Variants in CSNK1G2 observed in about 807,000 individuals in gnomAD.
CSNK1G2 encodes casein kinase I isoform gamma-2.
In CSNK1G2, 11 loss-of-function variants were observed where a neutral mutation model predicts 48.0. The observed-to-expected ratio is 0.23, with a 90% CI of 0.14 to 0.38. CSNK1G2 has a LOEUF of 0.38. CSNK1G2 is among the 10% of genes least tolerant of loss of function. The probability of loss-of-function intolerance (pLI) is 1.00; values close to 1 mark genes in which losing one functional copy is unlikely to be tolerated. For missense variants in CSNK1G2, 446 were observed against 595.5 expected, an observed-to-expected ratio of 0.75 and a Z score of 2.61; for synonymous variants, 337 against 254.1, an observed-to-expected ratio of 1.33 and a Z score of -3.10.
intron 1 of CSNK1G2, among the ~76,000 whole-genome samples, chr19:1,960,781 T>C (rs1020720140): frequency 1.3e-5 from 2 of 152,040 alleles, no homozygotes; most frequent in Non-Finnish European, 2.9e-5. Context: ...CACAGCTACC[T>C]GGGAGGCCGA....
At position 1,978,283 on chromosome 19, in the gene CSNK1G2, C is replaced by CA; in HGVS notation, c.188-22_188-21insA. ...CTAGGTGGGCCCTGCGCTGGCGGTG[C>CA]TGATGGTCTCTGTCCCCGCAGGAAA... On this transcript the variant is annotated intron_variant, in intron 2 of 11. Transcript: ENST00000255641. The surrounding 1 kb of genome is among the most constrained non-coding windows in gnomAD (Gnocchi z 7.3). 1 of 1,613,082 alleles carries CA rather than the reference C, an allele frequency of 6.2e-7. No homozygotes were observed. Among genetic ancestry groups the CA allele is most frequent in the Non-Finnish European group, 8.5e-7 (1 of 1,179,730 alleles).
rs185798897 is a variant in CSNK1G2, at chr19:1,951,423, C to A, written c.-266+10005C>A. Among the ~76,000 whole-genome samples the A allele has an allele frequency of 2.1e-4, 30 of 143,246 alleles. 3 individuals carry two copies. Among genetic ancestry groups the A allele is most frequent in the Admixed American group, 2.1e-4 (3 of 14,350 alleles). 94.0% of individuals were successfully genotyped at this position (143,246 alleles called of 152,430 possible). On this transcript the variant is annotated intron_variant, in intron 1 of 11. Transcript: ENST00000255641. ...GTCTCAAAAAAAAAATAAAAAAAAT[C>A]AAAGATGGGGGCCTGCTGGGACCGT...
intron 8 of CSNK1G2, 22 bp from the exon 9 acceptor site, chr19:1,979,473 C>T (rs1243163672): frequency 1.9e-6 from 3 of 1,562,996 alleles, no homozygotes; most frequent in African/African-American, 1.4e-5. Context: ...CCGCCGAGGC[C>T]CCGCTGGCGC....
intron 2 of CSNK1G2, among the ~76,000 whole-genome samples, chr19:1,977,854 C>T (rs920026139): frequency 1.3e-5 from 2 of 152,164 alleles, no homozygotes; most frequent in African/African-American, 4.8e-5. Context: ...GGAACAGGAC[C>T]TGGGCTCCTC....
At chr19:1,967,363 G>A (rs2015396366) in intron 1 of CSNK1G2, among the ~76,000 whole-genome samples, 1 of 152,166 alleles carries the variant, frequency 6.6e-6, no homozygotes. Context: ...CGGTTGGCAG[G>A]AAACCTCTTC....
chr19:1,965,051 T>C lies in CSNK1G2; in HGVS notation c.-265-4457T>C, dbSNP rs1485611852. 3.4e-5 allele frequency among the ~76,000 whole-genome samples: 5 copies of C among 149,092 alleles called. 1 individual carries two copies. The highest frequency in any genetic ancestry group is 3.3e-4 in the Admixed American group (5 of 14,938). On this transcript the variant is annotated intron_variant, in intron 1 of 11. Transcript: ENST00000255641. ...AAAAAGATTTCTTTCAAAATATGACTGCTCACTGACAACGCACCTGGTCAC... is the reference window on the plus strand; with the variant it reads ...AAAAAGATTTCTTTCAAAATATGACCGCTCACTGACAACGCACCTGGTCAC...
chr19:1,959,703 C>A (rs541516963), intron 1 of CSNK1G2, among the ~76,000 whole-genome samples: 1 of 121,900 alleles, frequency 8.2e-6, no homozygotes, highest in Non-Finnish European at 1.6e-5. Context: ...ACCCGTCCCA[C>A]CTTTAGTGCC....
chr19:1,973,825 GTTTC>G (rs2015659181), intron 2 of CSNK1G2, among the ~76,000 whole-genome samples: 1 of 151,962 alleles, frequency 6.6e-6, no homozygotes, highest in Non-Finnish European at 1.5e-5. Context: ...TGTTTGTGCT[GTTTC>G]TTAGTCCATT....
chr19:1,962,993 A>G (rs1270679625), intron 1 of CSNK1G2, among the ~76,000 whole-genome samples: 1 of 151,932 alleles, frequency 6.6e-6, no homozygotes, highest in Non-Finnish European at 1.5e-5. Flanking sequence ...CCAGCCATGA[A>G]AAGGAAGAAG....
At chr19:1,975,470 G>T in intron 2 of CSNK1G2, 1 of 985,476 alleles carries the variant, frequency 1.0e-6, no homozygotes, top group African/African-American at 1.7e-5. Context: ...ACGGGAGGGC[G>T]TGCCTCAAGG....
At chr19:1,953,780 C>T (rs944787292) in intron 1 of CSNK1G2, 53 of 477,288 alleles carry the variant, frequency 1.1e-4, no homozygotes, top group African/African-American at 8.7e-4. Flanking sequence ...CCCCTCCCCC[C>T]GCATCAGGGT....
intron 2 of CSNK1G2, among the ~76,000 whole-genome samples, chr19:1,974,411 C>T (rs1157888477): frequency 2.0e-5 from 3 of 152,214 alleles, no homozygotes; most frequent in African/African-American, 7.2e-5. Context: ...GGCAGCGACT[C>T]AGATCCTCTC....
chr19:1,963,085 A>G (rs2145553479), intron 1 of CSNK1G2, among the ~76,000 whole-genome samples: 1 of 93,762 alleles, frequency 1.1e-5, no homozygotes, highest in South Asian at 3.6e-4. Flanking sequence ...GACACGCCAG[A>G]CACAGAGGAC....
In CSNK1G2 at chr19:1,941,186, T is replaced by G. The variant is rs1422255109; in HGVS notation, c.-498T>G. On this transcript the variant is annotated 5_prime_UTR_variant, in exon 1 of 12. Transcript: ENST00000255641. ...CCCCCGCTGGCAGACGCTGGCGGCG[T>G]AAGGCGCGCGGGCCCCGGAGCGGGC... The G allele has an allele frequency of 2.8e-5, 4 of 145,030 alleles. No individual in the cohort carries two copies. The highest frequency in any genetic ancestry group is 6.8e-5 in the Admixed American group (1 of 14,616). 9.0% of individuals were successfully genotyped at this position (145,030 alleles called of 1,614,324 possible).
At chr19:1,958,021 G>A (rs2015058095) in intron 1 of CSNK1G2, among the ~76,000 whole-genome samples, 1 of 152,132 alleles carries the variant, frequency 6.6e-6, no homozygotes, top group African/African-American at 2.4e-5. Context: ...GCCGGGTGTT[G>A]GGACGCGTCC....
Position 1,979,601 on chromosome 19 carries a change from C to T in CSNK1G2, c.960C>T (p.Gly320=), listed in dbSNP as rs757917899. The change falls in exon 9 of 12, where the codon GGC becomes GGT. Residue 320 remains glycine, a synonymous_variant. Transcript: ENST00000255641. Reference sequence around the variant, plus strand: ...TCACCGACCTCTTCGACCGCAGTGGCTTCGTGTTCGACTATGAGTACGACT... The same window carrying T: ...TCACCGACCTCTTCGACCGCAGTGGTTTCGTGTTCGACTATGAGTACGACT... ...KLFTDLFDRS[G]FVFDYEYDWA... is the part of the protein sequence containing the mutation. 14 of 1,606,914 alleles carry T rather than the reference C, an allele frequency of 8.7e-6. No homozygotes were observed. The highest frequency in any genetic ancestry group is 1.1e-5 in the Non-Finnish European group (13 of 1,179,912).
At chr19:1,973,927 G>A (rs996747007) in intron 2 of CSNK1G2, among the ~76,000 whole-genome samples, 6 of 151,958 alleles carry the variant, frequency 3.9e-5, no homozygotes, top group Non-Finnish European at 5.9e-5. Flanking sequence ...TTGCTCTGTT[G>A]CCCAGGCTGG....
chr19:1,950,201 G>A (rs915559000), intron 1 of CSNK1G2, among the ~76,000 whole-genome samples: 2 of 152,018 alleles, frequency 1.3e-5, no homozygotes, highest in Non-Finnish European at 2.9e-5. Context: ...GTGTGGTGGC[G>A]TGAGCTCTGC....
intron 1 of CSNK1G2, among the ~76,000 whole-genome samples, chr19:1,959,057 A>G (rs1458445234): frequency 6.6e-6 from 1 of 150,680 alleles, no homozygotes; most frequent in Non-Finnish European, 1.5e-5. Flanking sequence ...TTTTGTATTA[A>G]TAACTGAGGT....
Sources: allele counts gnomAD v4.1 joint callset (sites outside exome capture counted in the v4.1 genomes callset), GRCh38; gene constraint gnomAD v4.1.1; non-coding constraint Gnocchi (gnomAD v3.1); transcripts MANE v1.5; gene names NCBI Gene and HGNC (gene_info 2026-07-23, HGNC 2026-07-21).